Variants in ZRSR2 observed in about 807,000 individuals in gnomAD.
ZRSR2 encodes U2 small nuclear ribonucleoprotein auxiliary factor 35 kDa subunit-related protein 2.
Under a neutral mutation model 39.4 loss-of-function variants are expected in ZRSR2, and 3 were observed. That is an observed-to-expected ratio of 0.08 (90% CI 0.03 to 0.20). The LOEUF (loss-of-function observed/expected upper bound fraction) is 0.20, where lower values mean the gene tolerates loss of function less well. Ranked by LOEUF, ZRSR2 falls within the 10% of genes least tolerant of loss-of-function variation. The probability of loss-of-function intolerance (pLI) is 1.00; values close to 1 mark genes in which losing one functional copy is unlikely to be tolerated. For synonymous variants in ZRSR2, 137 were observed against 136.0 expected (o/e 1.01, Z -0.05); for missense variants, 256 against 391.5 (o/e 0.65, Z 2.92).
chrX:15,801,298 C>T (rs986331565), intron 3 of ZRSR2: 14 of 227,984 alleles, frequency 6.1e-5, no homozygotes, highest in Middle Eastern at 1.5e-3. Context: ...GTGTGATCTC[C>T]GCTCACCGCA....
rs904092597 is a variant in ZRSR2 at position 15,818,505 on chromosome X, T to C, written c.772-82T>C. On this transcript the variant is annotated intron_variant, in intron 8 of 10. Transcript: ENST00000307771. ...TGATTGGTAACTACTTTGGGGAATG[T>C]TAGCCTGGACAAACAACATTTGATG... 26 of 902,557 alleles carry C rather than the reference T, an allele frequency of 2.9e-5. No individual in the cohort carries two copies. In the South Asian group the frequency reaches 5.4e-4, roughly 19 times the overall value. 74.4% of individuals were successfully genotyped at this position (902,557 alleles called of 1,213,427 possible). A position where few individuals can be genotyped will look rare whatever the true frequency, so the allele number is the denominator to read the frequency against.
At chrX:15,790,664 G>A in intron 1 of ZRSR2, 128 bp downstream of exon 1, 1 of 957,615 alleles carries the variant, frequency 1.0e-6, no homozygotes. Context: ...TTCCTTCCTG[G>A]TGCGCGCTCT....
At chrX:15,796,784 GTTTTTTTTTTTTTTT>G (rs141175603) in intron 2 of ZRSR2, among the ~76,000 whole-genome samples, 2 of 39,913 alleles carry the variant, frequency 5.0e-5, no homozygotes, top group Admixed American at 9.9e-4. Flanking sequence ...GTTTCAAATC[GTTTTTTTTTTTTTTT>G]TTTTTTTTTT....
intron 2 of ZRSR2, among the ~76,000 whole-genome samples, chrX:15,791,493 G>T (rs967044836): frequency 2.3e-4 from 25 of 110,678 alleles, no homozygotes; most frequent in African/African-American, 7.9e-4. Flanking sequence ...ATTTATTTTT[G>T]AGACAGGGTC....
intron 2 of ZRSR2, among the ~76,000 whole-genome samples, chrX:15,792,453 A>G (rs772771781): frequency 1.8e-5 from 2 of 112,413 alleles, no homozygotes; most frequent in East Asian, 5.6e-4. Context: ...AAATACATTT[A>G]TAAATTATAA....
At chrX:15,808,170 G>T in intron 5 of ZRSR2, 63 bp from the exon 6 acceptor site, 3 of 1,016,208 alleles carry the variant, frequency 3.0e-6, no homozygotes, top group Middle Eastern at 2.6e-4. Context: ...CTTAACCAGA[G>T]AAACCAGATG....
chrX:15,803,909 C>T, intron 4 of ZRSR2, 113 bp downstream of exon 4: 1 of 1,031,306 alleles, frequency 9.7e-7, no homozygotes, highest in Non-Finnish European at 1.3e-6. Context: ...CGCCATTGCA[C>T]TCCAGCCTGG....
intron 5 of ZRSR2, 109 bp from the exon 6 acceptor site, chrX:15,808,124 G>A: frequency 3.1e-6 from 2 of 654,706 alleles, no homozygotes; most frequent in East Asian, 3.2e-5. Flanking sequence ...TAGAACTTGT[G>A]TGCGTGTGTG....
At chrX:15,809,151 C>G in intron 6 of ZRSR2, 49 bp from the exon 7 acceptor site, 1 of 886,390 alleles carries the variant, frequency 1.1e-6, no homozygotes, top group Non-Finnish European at 1.7e-6. Context: ...AACATTTCGT[C>G]TTTCATGGGT....
chrX:15,791,246 T>C (rs753905772), intron 2 of ZRSR2, among the ~76,000 whole-genome samples: 1 of 112,224 alleles, frequency 8.9e-6, no homozygotes, highest in African/African-American at 3.2e-5. Flanking sequence ...GTGTAACTTA[T>C]AAAGTATCTA....
chrX:15,822,662 G>A (rs1438401234), intron 10 of ZRSR2, 69 bp from the exon 11 acceptor site: 55 of 1,200,083 alleles, frequency 4.6e-5, no homozygotes, highest in East Asian at 1.5e-4. Flanking sequence ...ATGTACCTTC[G>A]GAAAAGGATA....
intron 10 of ZRSR2, 65 bp downstream of exon 10, chrX:15,820,381 G>T (rs1933077680): frequency 9.7e-7 from 1 of 1,030,015 alleles, no homozygotes. Context: ...GATATTCTTT[G>T]GGGGAAACCC....
intron 5 of ZRSR2, among the ~76,000 whole-genome samples, chrX:15,806,749 C>G (rs916505493): frequency 9.0e-6 from 1 of 110,583 alleles, no homozygotes; most frequent in Non-Finnish European, 1.9e-5. Flanking sequence ...TTTACTGAAA[C>G]CTCTGCCTCC....
In ZRSR2 at chrX:15,790,542, C is replaced by T; in HGVS notation, c.41+6C>T. The stretch of plus-strand genomic sequence containing the variant: ...ACGTTTCCCGAGAAACCAAGGTAAG[C>T]GCCGTACGGGGAGATGAGCAGGCGA... On this transcript the variant is annotated splice_donor_region_variant and intron_variant, in intron 1 of 10. Coordinates refer to ENST00000307771, the MANE Select transcript of ZRSR2 (RefSeq NM_005089.4). 1 of 1,160,429 alleles carries T rather than the reference C, an allele frequency of 8.6e-7. No individual in the cohort carries two copies. The highest frequency in any genetic ancestry group is 3.3e-5 in the East Asian group (1 of 30,396).
intron 7 of ZRSR2, among the ~76,000 whole-genome samples, chrX:15,810,412 A>G (rs1026405685): frequency 8.9e-6 from 1 of 111,894 alleles, no homozygotes; most frequent in African/African-American, 3.2e-5. Flanking sequence ...GAGAAGATCT[A>G]ATCATAACCT....
At chrX:15,813,871 A>C (rs1932920834) in intron 7 of ZRSR2, among the ~76,000 whole-genome samples, 1 of 111,221 alleles carries the variant, frequency 9.0e-6, no homozygotes, top group Non-Finnish European at 1.9e-5. Flanking sequence ...CACGTTAATG[A>C]ACGTTGATGA....
At chrX:15,821,427 G>A (rs1430233445) in intron 10 of ZRSR2, among the ~76,000 whole-genome samples, 1 of 110,376 alleles carries the variant, frequency 9.1e-6, no homozygotes, top group African/African-American at 3.3e-5. Flanking sequence ...AGAGATGTCT[G>A]TTTGGATCCT....
chrX:15,791,653 C>CTTTT (rs144343422), intron 2 of ZRSR2, among the ~76,000 whole-genome samples: 10 of 60,860 alleles, frequency 1.6e-4, no homozygotes, highest in Non-Finnish European at 2.3e-4. Flanking sequence ...CTTTTCTTTT[C>CTTTT]TTTTTTTTTT....
chrX:15,793,818 G>A (rs1451190067), intron 2 of ZRSR2, among the ~76,000 whole-genome samples: 21 of 112,491 alleles, frequency 1.9e-4, no homozygotes, highest in Non-Finnish European at 5.6e-5. Flanking sequence ...GATTACAGGC[G>A]TGAGCCACTG....
Sources: gnomAD v4.1 joint callset for allele counts (sites outside exome capture counted in the v4.1 genomes callset) on GRCh38, gnomAD v4.1.1 for gene constraint, MANE v1.5 for transcripts, NCBI Gene and HGNC (gene_info 2026-07-23, HGNC 2026-07-21) for gene names.